Variants in EML5 observed in about 807,000 individuals in gnomAD.
EML5 encodes the protein echinoderm microtubule-associated protein-like 5.
Under a neutral mutation model 250.0 loss-of-function variants are expected in EML5, and 120 were observed. The ratio of observed to expected loss-of-function variants is 0.48; its 90% CI spans 0.41 to 0.56. The LOEUF is 0.56. Ranked by LOEUF, EML5 falls within the 20% of genes least tolerant of loss-of-function variation. The pLI, the probability that EML5 is intolerant of heterozygous loss-of-function variation, is 0.00. For synonymous variants in EML5, 771 were observed against 806.5 expected, an observed-to-expected ratio of 0.96 and a Z score of 0.75; for missense variants, 2,006 against 2,437.6, an observed-to-expected ratio of 0.82 and a Z score of 3.73.
intron 7 of EML5, among the ~76,000 whole-genome samples, chr14:88,731,892 C>T (rs1200391808): frequency 6.6e-6 from 1 of 152,170 alleles, no homozygotes; most frequent in Non-Finnish European, 1.5e-5. Flanking sequence ...TGTTCATATC[C>T]TTTTCCCACT....
chr14:88,728,877 C>T (rs1015321597), intron 7 of EML5, among the ~76,000 whole-genome samples: 8 of 152,000 alleles, frequency 5.3e-5, no homozygotes, highest in Non-Finnish European at 1.2e-4. Context: ...ACAAAGGCTA[C>T]AATTTAATAA....
chr14:88,740,132 A>G (rs1240374248), intron 5 of EML5, among the ~76,000 whole-genome samples: 1 of 152,190 alleles, frequency 6.6e-6, no homozygotes, highest in African/African-American at 2.4e-5. Context: ...CTTTTTTTCA[A>G]CACTACTCTT....
chr14:88,687,363 T>G, intron 18 of EML5, 36 bp from the exon 19 acceptor site: 1 of 1,411,096 alleles, frequency 7.1e-7, no homozygotes, highest in Non-Finnish European at 9.6e-7. Flanking sequence ...AATAAAGATC[T>G]AAATATTTTT....
intron 29 of EML5, 176 bp from the exon 30 acceptor site, chr14:88,644,687 A>C: frequency 2.0e-6 from 1 of 506,646 alleles, no homozygotes. Flanking sequence ...GAAGGTAGAA[A>C]GAAAATATTA....
intron 3 of EML5, among the ~76,000 whole-genome samples, chr14:88,744,608 A>G (rs1174358557): frequency 6.6e-6 from 1 of 152,018 alleles, no homozygotes; most frequent in Non-Finnish European, 1.5e-5. Context: ...TCCAGGCTTC[A>G]TTATTTTCTA....
intron 1 of EML5, among the ~76,000 whole-genome samples, chr14:88,766,806 C>T (rs1266662164): frequency 6.6e-6 from 1 of 152,108 alleles, no homozygotes; most frequent in Non-Finnish European, 1.5e-5. Flanking sequence ...CTCCCCCAGA[C>T]ACCCAGCTTT....
chr14:88,662,341 T>TTG (rs1555429989), intron 24 of EML5, among the ~76,000 whole-genome samples: 2 of 127,316 alleles, frequency 1.6e-5, no homozygotes, highest in African/African-American at 6.8e-5. Flanking sequence ...TTTTTCTTGT[T>TTG]TTTTTTTTTT....
chr14:88,705,853 G>A, intron 11 of EML5: 1 of 602,686 alleles, frequency 1.7e-6, no homozygotes, highest in Non-Finnish European at 3.1e-6. Flanking sequence ...AAATGTCTGT[G>A]CAAATATAAG....
At chr14:88,775,780 A>G (rs556161389) in intron 1 of EML5, among the ~76,000 whole-genome samples, 1 of 152,304 alleles carries the variant, frequency 6.6e-6, no homozygotes, top group Admixed American at 6.5e-5. Flanking sequence ...GTAACCAGGG[A>G]CTGATTACAG....
At chr14:88,630,943 C>T (rs2090406429) in intron 33 of EML5, among the ~76,000 whole-genome samples, 2 of 152,256 alleles carry the variant, frequency 1.3e-5, no homozygotes, top group Admixed American at 1.3e-4. Flanking sequence ...GTAGCACACT[C>T]CGGAGGCTAC....
At chr14:88,629,506 C>G (rs12590101) in intron 33 of EML5, among the ~76,000 whole-genome samples, 27,860 of 152,086 alleles carry the variant, frequency 0.18, 3,083 homozygotes, top group East Asian at 0.47. Context: ...TTCAGGACCT[C>G]TCGAAGTTAC....
At chr14:88,731,889 A>G (rs746655758) in intron 7 of EML5, among the ~76,000 whole-genome samples, 3 of 152,128 alleles carry the variant, frequency 2.0e-5, no homozygotes, top group Non-Finnish European at 4.4e-5. Context: ...GTCTGTTCAT[A>G]TCCTTTTCCC....
intron 2 of EML5, 144 bp from the exon 3 acceptor site, chr14:88,746,427 G>C (rs995475504): frequency 3.2e-6 from 2 of 630,854 alleles, no homozygotes; most frequent in African/African-American, 3.7e-5. Context: ...ACCTCATAAA[G>C]GCTGAATGTA....
At chr14:88,763,259 A>G (rs1052535875) in intron 1 of EML5, among the ~76,000 whole-genome samples, 3 of 152,022 alleles carry the variant, frequency 2.0e-5, no homozygotes, top group Admixed American at 6.6e-5. Context: ...GACAGCTAGC[A>G]AGACTAATAA....
rs1333135316 is a variant in EML5, at chr14:88,615,734, C to T, written c.*84G>A. 7.5e-7 allele frequency: 1 copy of T among 1,339,454 alleles called. No individual in the cohort carries two copies. The highest frequency in any genetic ancestry group is 2.4e-5 in the East Asian group (1 of 41,652). The allele number at this position is 1,339,454 out of a possible 1,614,324, so 83.0% of individuals were successfully genotyped here. A position where few individuals can be genotyped will look rare whatever the true frequency, so the allele number is the denominator to read the frequency against. ...CTGTTACAGTCTTGGGTTAGCACCA[C>T]TTGACCATGCAGGGTTGGGTTTTGG... On this transcript the variant is annotated 3_prime_UTR_variant, in exon 44 of 44. Transcript: ENST00000554922.
chr14:88,657,859 A>C (rs908514696), intron 26 of EML5, among the ~76,000 whole-genome samples: 1 of 152,174 alleles, frequency 6.6e-6, no homozygotes, highest in Admixed American at 6.5e-5. Context: ...GGCAAAATAC[A>C]TTTTCTATAA....
chr14:88,643,980 C>T (rs916177904), intron 30 of EML5, among the ~76,000 whole-genome samples: 8 of 152,158 alleles, frequency 5.3e-5, no homozygotes, highest in Non-Finnish European at 7.3e-5. Flanking sequence ...TCAATTATTA[C>T]GTAAGGTTAC....
chr14:88,695,678 T>G (rs570871333), intron 15 of EML5, among the ~76,000 whole-genome samples: 8 of 152,122 alleles, frequency 5.3e-5, no homozygotes, highest in African/African-American at 1.9e-4. Context: ...CCTGATCTCC[T>G]TTTCCCTTAT....
At chr14:88,616,596 T>TA (rs2087657236) in intron 42 of EML5, 130 bp downstream of exon 42, 2 of 914,334 alleles carry the variant, frequency 2.2e-6, no homozygotes, top group East Asian at 5.3e-5. Context: ...TCAAAGTAAA[T>TA]AGATTTAGAA....
Sources: allele counts gnomAD v4.1 joint callset (sites outside exome capture counted in the v4.1 genomes callset), GRCh38; gene constraint gnomAD v4.1.1; transcripts MANE v1.5; gene names NCBI Gene and HGNC (gene_info 2026-07-23, HGNC 2026-07-21).